Variants in KCTD3 observed in about 807,000 individuals in gnomAD.
KCTD3 encodes the protein BTB/POZ domain-containing protein KCTD3.
KCTD3 carries 41 observed loss-of-function variants against 85.8 expected under a neutral mutation model. The ratio of observed to expected loss-of-function variants is 0.48; its 90% CI spans 0.37 to 0.62. KCTD3 has a LOEUF of 0.62. Ranked by LOEUF, KCTD3 falls within the 20% of genes least tolerant of loss-of-function variation. The pLI, the probability that KCTD3 is intolerant of heterozygous loss-of-function variation, is 0.00. For missense variants in KCTD3, 724 were observed against 989.9 expected (o/e 0.73, Z 3.60); for synonymous variants, 338 against 345.4 (o/e 0.98, Z 0.24).
chr1:215,614,762 AT>A (rs1042275965), intron 15 of KCTD3, among the ~76,000 whole-genome samples: 2 of 152,124 alleles, frequency 1.3e-5, no homozygotes, highest in Non-Finnish European at 2.9e-5. Flanking sequence ...TTTTATTTTC[AT>A]TTTAATGTTA....
chr1:215,572,232 A>G (rs944850332), intron 1 of KCTD3, among the ~76,000 whole-genome samples: 4 of 152,252 alleles, frequency 2.6e-5, no homozygotes, highest in Non-Finnish European at 4.4e-5. Flanking sequence ...TTTATCACAC[A>G]TAAGTTTCAA....
Position 215,579,101 on chromosome 1 carries a change from G to T in KCTD3, c.499G>T (p.Val167Phe). 6.2e-7 allele frequency: 1 copy of T among 1,609,170 alleles called. No homozygotes were observed. The highest frequency in any genetic ancestry group is 8.5e-7 in the Non-Finnish European group (1 of 1,178,260). Residue 167 changes from valine to phenylalanine, a missense_variant, in exon 7 of 18, where the codon GTT (valine) becomes TTT (phenylalanine). This residue lies in a region of KCTD3 where 106 missense variants were observed against 98.2 expected (regional missense o/e 1.08). Coordinates refer to ENST00000259154, the MANE Select transcript of KCTD3 (RefSeq NM_016121.5). ...GEARGNGTQPVLSGTGEETVR... is the reference protein window; with the variant it reads ...GEARGNGTQPFLSGTGEETVR... ...AGCCCGGGGAAATGGTACACAGCCT[G>T]TTCTCTCTGGAACGGGAGAAGAAAC...
In KCTD3 at chr1:215,620,203, G is replaced by T. The variant is rs141252284; in HGVS notation, c.2033G>T (p.Arg678Ile). The T allele has an allele frequency of 3.0e-5, 48 of 1,613,736 alleles. No individual in the cohort carries two copies. The highest frequency in any genetic ancestry group is 3.2e-5 in the Non-Finnish European group (38 of 1,179,858). ...GACTTCCAGACTATTAATTTGAACAGAAATGTAGAAAGAGCTGTCCCTGAA... is the reference window on the plus strand; with the variant it reads ...GACTTCCAGACTATTAATTTGAACATAAATGTAGAAAGAGCTGTCCCTGAA... ...YRDFQTINLNRNVERAVPENG... is the reference protein window; with the variant it reads ...YRDFQTINLNINVERAVPENG... Residue 678 changes from arginine (R) to isoleucine (I), a missense_variant, in exon 18 of 18, where the codon AGA becomes ATA. Arg to Ile is a moderately conservative substitution (Grantham distance 97, BLOSUM62 -3). This residue lies in a region of KCTD3 where 222 missense variants were observed against 217.7 expected (regional missense o/e 1.02). Transcript: ENST00000259154.
At chr1:215,595,027 T>A (rs1282759010) in intron 9 of KCTD3, among the ~76,000 whole-genome samples, 1 of 152,158 alleles carries the variant, frequency 6.6e-6, no homozygotes, top group African/African-American at 2.4e-5. Flanking sequence ...CTGGCATGGA[T>A]CCCAGGATCC....
intron 8 of KCTD3, among the ~76,000 whole-genome samples, chr1:215,584,672 G>A (rs760492026): frequency 1.4e-4 from 21 of 152,054 alleles, no homozygotes; most frequent in Middle Eastern, 6.8e-3. Flanking sequence ...TTTTCCCAGG[G>A]GCTTTTATCA....
At chr1:215,585,159 G>T (rs1012782927) in intron 8 of KCTD3, among the ~76,000 whole-genome samples, 9 of 152,132 alleles carry the variant, frequency 5.9e-5, no homozygotes, top group Non-Finnish European at 1.3e-4. Flanking sequence ...GTGAAAGCAA[G>T]TTCATTAAGA....
intron 12 of KCTD3, 28 bp from the exon 13 acceptor site, chr1:215,604,104 T>C: frequency 1.3e-6 from 2 of 1,557,700 alleles, no homozygotes; most frequent in South Asian, 2.4e-5. Context: ...CCATAATGTA[T>C]CACCTGTCAA....
chr1:215,569,543 G>T (rs966832237), intron 1 of KCTD3, among the ~76,000 whole-genome samples: 17 of 151,182 alleles, frequency 1.1e-4, no homozygotes, highest in African/African-American at 4.1e-4. Context: ...AGAGACTGCA[G>T]AATTCATTTA....
At chr1:215,587,164 C>G (rs922147565) in intron 9 of KCTD3, among the ~76,000 whole-genome samples, 13 of 149,504 alleles carry the variant, frequency 8.7e-5, no homozygotes, top group African/African-American at 3.2e-4. Context: ...GAGTCTCGCT[C>G]TGTCGCCCAG....
At chr1:215,583,461 G>A (rs1047611028) in intron 8 of KCTD3, among the ~76,000 whole-genome samples, 7 of 152,162 alleles carry the variant, frequency 4.6e-5, no homozygotes, top group Admixed American at 4.6e-4. Flanking sequence ...GGTCACTTTT[G>A]TTGCCATCTT....
chr1:215,575,546 C>T (rs575377344), intron 3 of KCTD3, among the ~76,000 whole-genome samples: 4 of 152,064 alleles, frequency 2.6e-5, no homozygotes, highest in South Asian at 2.1e-4. Context: ...TTCATGTTTT[C>T]GAAGTATTAA....
At position 215,573,859 on chromosome 1, in the gene KCTD3, A is replaced by G; in HGVS notation, c.137+20A>G. 1 of 1,423,006 alleles carries G rather than the reference A, an allele frequency of 7.0e-7. No individual in the cohort carries two copies. Among genetic ancestry groups the G allele is most frequent in the Non-Finnish European group, 9.8e-7 (1 of 1,022,806 alleles). The allele number at this position is 1,423,006 out of a possible 1,614,324, so 88.1% of individuals were successfully genotyped here. ...TTCCAGGTATGTCTTATAATTCTTTAGTGTATATTTTAATACATTTATTTA... is the reference window on the plus strand; with the variant it reads ...TTCCAGGTATGTCTTATAATTCTTTGGTGTATATTTTAATACATTTATTTA... On this transcript the variant is annotated intron_variant, in intron 2 of 17. Transcript: ENST00000259154.
At chr1:215,585,912 A>C (rs192241806) in intron 8 of KCTD3, among the ~76,000 whole-genome samples, 2 of 152,098 alleles carry the variant, frequency 1.3e-5, no homozygotes, top group Non-Finnish European at 2.9e-5. Context: ...CCTGCACCCT[A>C]TCCTTTTTTA....
chr1:215,573,490 G>T (rs1659448136), intron 1 of KCTD3, among the ~76,000 whole-genome samples: 1 of 152,148 alleles, frequency 6.6e-6, no homozygotes, highest in South Asian at 2.1e-4. Context: ...GAGACTTGGT[G>T]TGATGGGCTA....
chr1:215,607,357 A>G (rs531196984), intron 13 of KCTD3, among the ~76,000 whole-genome samples: 2 of 152,104 alleles, frequency 1.3e-5, no homozygotes, highest in Admixed American at 1.3e-4. Context: ...ATTTTCAAAT[A>G]GAGTATCTAC....
rs1278103078 is a variant in KCTD3, at chr1:215,620,624, C to G, written c.*6C>G. The G allele has an allele frequency of 6.5e-7, 1 of 1,546,326 alleles. No individual in the cohort carries two copies. Among genetic ancestry groups the G allele is most frequent in the Non-Finnish European group, 8.7e-7 (1 of 1,144,426 alleles). On this transcript the variant is annotated 3_prime_UTR_variant, in exon 18 of 18. Transcript: ENST00000259154. Reference sequence around the variant, plus strand: ...GTCAGGAGTACAGCTTGTGAAAACTCACCAAAATGAATAGTTGTTTCGTTA... The same window carrying G: ...GTCAGGAGTACAGCTTGTGAAAACTGACCAAAATGAATAGTTGTTTCGTTA...
At chr1:215,611,724 A>G (rs963020924) in intron 14 of KCTD3, 101 bp from the exon 15 acceptor site, 2 of 714,910 alleles carry the variant, frequency 2.8e-6, no homozygotes, top group East Asian at 2.7e-5. Flanking sequence ...ATTGGTACGT[A>G]TAAGAAATTC....
In KCTD3 at chr1:215,573,817, AT is replaced by A; in HGVS notation, c.117del (p.Pro40GlnfsTer9). The A allele has an allele frequency of 6.3e-7, 1 of 1,574,926 alleles. No homozygotes were observed. Among genetic ancestry groups the A allele is most frequent in the Non-Finnish European group, 8.7e-7 (1 of 1,149,996 alleles). On this transcript the variant is annotated frameshift_variant, in exon 2 of 18. Coordinates refer to ENST00000259154, the MANE Select transcript of KCTD3 (RefSeq NM_016121.5). LOFTEE classifies it high-confidence loss of function. ...TACCTCAAGACAAACTCTTATGTGG[AT>A]TCCAGATTCTTTTTTTTCCAGGTAT... ...FSTSRQTLMW[I>X]PDSFFSSLLS...
At chr1:215,584,819 A>G (rs1659948818) in intron 8 of KCTD3, among the ~76,000 whole-genome samples, 1 of 152,224 alleles carries the variant, frequency 6.6e-6, no homozygotes, top group South Asian at 2.1e-4. Flanking sequence ...TTGTAGTTAC[A>G]TATTGCTGTA....
Sources: allele counts gnomAD v4.1 joint callset (sites outside exome capture counted in the v4.1 genomes callset), GRCh38; gene constraint gnomAD v4.1.1; regional missense constraint gnomAD v4.1.1; transcripts MANE v1.5; gene names NCBI Gene and HGNC (gene_info 2026-07-23, HGNC 2026-07-21).